The following DDX60 variants were observed in gnomAD, a reference collection of about 807,000 sequenced individuals.
DDX60 encodes probable ATP-dependent RNA helicase DDX60.
Under a neutral mutation model 212.8 loss-of-function variants are expected in DDX60, and 165 were observed. The observed-to-expected ratio is 0.78, with a 90% CI of 0.68 to 0.88. The LOEUF (loss-of-function observed/expected upper bound fraction) is 0.88. Ranked by LOEUF, DDX60 falls within the 40% of genes least tolerant of loss-of-function variation. The probability of loss-of-function intolerance (pLI) is 0.00; values close to 1 mark genes in which losing one functional copy is unlikely to be tolerated. For synonymous variants in DDX60, 703 were observed against 685.3 expected, an observed-to-expected ratio of 1.03 and a Z score of -0.40; for missense variants, 1,905 against 2,003.9, an observed-to-expected ratio of 0.95 and a Z score of 0.94.
At chr4:168,306,336 T>G in intron 5 of DDX60, 43 bp downstream of exon 5, 2 of 1,489,794 alleles carry the variant, frequency 1.3e-6, no homozygotes, top group Non-Finnish European at 1.8e-6. Context: ...CTTAGAACAT[T>G]TTGAAAATTT....
rs753640817 is a variant in DDX60, at chr4:168,234,437, T to C, written c.4533+1815A>G. Among the ~76,000 whole-genome samples, 130 of 152,100 alleles carry C rather than the reference T, an allele frequency of 8.5e-4. 1 individual carries two copies. The highest frequency in any genetic ancestry group is 3.2e-3 in the Admixed American group (49 of 15,246). ...GCTATACCTTGGATGCTTTCTATTA[T>C]GCTGTCAACTTACTGATCATGACTT... On this transcript the variant is annotated intron_variant, in intron 33 of 37. Transcript: ENST00000393743.
chr4:168,315,443 T>C (rs1737322283), intron 1 of DDX60, among the ~76,000 whole-genome samples: 1 of 152,224 alleles, frequency 6.6e-6, no homozygotes, highest in Non-Finnish European at 1.5e-5. Flanking sequence ...AGTTCTGAAA[T>C]ACATGTGCAG....
At position 168,262,127 on chromosome 4, in the gene DDX60, T is replaced by C. The variant is rs1734648713; in HGVS notation, c.3146A>G (p.Glu1049Gly). 1 of 1,573,900 alleles carries C rather than the reference T, an allele frequency of 6.4e-7. No homozygotes were observed. Among genetic ancestry groups the C allele is most frequent in the Non-Finnish European group, 8.6e-7 (1 of 1,168,614 alleles). ...ATGAATGAAGTTTTCTGGGCACAGT[T>C]CCTTGAAAACAAATATTACAAAATT... ...QIWKSWPRAQ[E>G]LCPENFIHFN... The change falls in exon 24 of 38, where the codon GAA (glutamate) becomes GGA (glycine). Residue 1049 changes from glutamate (E) to glycine (G), a missense_variant and splice_region_variant. Physicochemically the swap from Glu to Gly is moderately conservative, Grantham distance 98. Coordinates refer to ENST00000393743, the MANE Select transcript of DDX60 (RefSeq NM_017631.6).
chr4:168,324,074 G>T, the DDX60 span, among the ~76,000 whole-genome samples: 1 of 152,186 alleles, frequency 6.6e-6, no homozygotes, highest in Non-Finnish European at 1.5e-5. Flanking sequence ...AGAGACTCAG[G>T]ACAGGGGAGA....
chr4:168,260,250 G>A (rs182290187), intron 25 of DDX60, among the ~76,000 whole-genome samples: 2 of 152,176 alleles, frequency 1.3e-5, no homozygotes. Context: ...ATCTCCTAAT[G>A]CTATCCCTCC....
intron 5 of DDX60, among the ~76,000 whole-genome samples, chr4:168,304,767 A>C (rs1240614876): frequency 6.6e-6 from 1 of 152,212 alleles, no homozygotes; most frequent in African/African-American, 2.4e-5. Context: ...CTGTCAAAAA[A>C]ATTTTGAAAA....
intron 34 of DDX60, 108 bp from the exon 35 acceptor site, chr4:168,224,493 T>C (rs2149491189): frequency 1.9e-6 from 2 of 1,026,518 alleles, no homozygotes; most frequent in African/African-American, 1.6e-5. Flanking sequence ...CAGCTTCATG[T>C]AATGAAGACT....
intron 6 of DDX60, among the ~76,000 whole-genome samples, chr4:168,297,286 AG>A (rs1401578169): frequency 7.1e-5 from 10 of 141,116 alleles, no homozygotes; most frequent in African/African-American, 3.0e-4. Context: ...AGAAAGAAAG[AG>A]AGAGAGAGAC....
At chr4:168,303,775 A>G (rs544148193) in intron 5 of DDX60, among the ~76,000 whole-genome samples, 1 of 152,304 alleles carries the variant, frequency 6.6e-6, no homozygotes, top group Non-Finnish European at 1.5e-5. Context: ...TGAGGTCAGG[A>G]GTTCGAGACC....
intron 34 of DDX60, 37 bp downstream of exon 34, chr4:168,225,492 T>C (rs756627369): frequency 6.4e-7 from 1 of 1,556,586 alleles, no homozygotes; most frequent in Non-Finnish European, 8.7e-7. Context: ...TTATTTATTC[T>C]TCAAATTGTT....
chr4:168,270,628 A>G (rs1457838269), intron 19 of DDX60, among the ~76,000 whole-genome samples: 1 of 152,228 alleles, frequency 6.6e-6, no homozygotes, highest in African/African-American at 2.4e-5. Flanking sequence ...TTTGAAAACT[A>G]TAATATTCAA....
In DDX60 at chr4:168,306,531, C is replaced by A. The variant is rs545288798; in HGVS notation, c.454G>T (p.Asp152Tyr). Reference sequence around the variant, plus strand: ...AAGTTGAAAAGCTGTGTTTGTAGATCGTTCAGGCCTTCGTCTGCAACTATC... The same window carrying A: ...AAGTTGAAAAGCTGTGTTTGTAGATAGTTCAGGCCTTCGTCTGCAACTATC... ...FLIVADEGLN[D>Y]LQTQLFNFLI... The change falls in exon 5 of 38, where the codon GAT (aspartate) becomes TAT (tyrosine). Residue 152 changes from aspartate (D) to tyrosine (Y), a missense_variant. Asp to Tyr is a radical substitution (Grantham distance 160). Transcript: ENST00000393743. 3.7e-6 allele frequency: 6 copies of A among 1,614,136 alleles called. No homozygotes were observed. The highest frequency in any genetic ancestry group is 5.1e-6 in the Non-Finnish European group (6 of 1,180,012).
intron 1 of DDX60, among the ~76,000 whole-genome samples, chr4:168,313,857 G>T (rs1737246778): frequency 6.6e-6 from 1 of 152,150 alleles, no homozygotes; most frequent in Non-Finnish European, 1.5e-5. Flanking sequence ...AATATACATA[G>T]ATTAAAAGGA....
chr4:168,250,267 TG>T (rs760216353), intron 28 of DDX60, among the ~76,000 whole-genome samples: 23 of 152,132 alleles, frequency 1.5e-4, no homozygotes, highest in Non-Finnish European at 2.8e-4. Flanking sequence ...CTAGGCCTTG[TG>T]CAGTGGCTAA....
chr4:168,291,667 T>G, intron 8 of DDX60, 81 bp downstream of exon 8: 1 of 1,338,370 alleles, frequency 7.5e-7, no homozygotes, highest in Non-Finnish European at 1.0e-6. Context: ...TAGTCCCACA[T>G]AAGAGAATTT....
chr4:168,286,774 A>G (rs1026084733), intron 10 of DDX60, among the ~76,000 whole-genome samples: 9 of 152,132 alleles, frequency 5.9e-5, no homozygotes, highest in Admixed American at 6.6e-5. Context: ...TTTTCTGTGG[A>G]CCTATAACTG....
chr4:168,306,221 GCATTTGCATTAT>G (rs1452561946), intron 5 of DDX60, among the ~76,000 whole-genome samples, 146 bp downstream of exon 5: 59 of 152,274 alleles, frequency 3.9e-4, no homozygotes, highest in African/African-American at 1.4e-3. Context: ...ATAAATGACT[GCATTTGCATTAT>G]CATTATTTAC....
rs760326826 is a variant in DDX60, at chr4:168,269,373, C to T, written c.2671-404G>A. ...CAGCACTTTGGGAGGCCGAGGAGGG[C>T]GGATCACGAGGTCAGGAGATCGAGG... On this transcript the variant is annotated intron_variant, in intron 19 of 37. Transcript: ENST00000393743. 2.1e-4 allele frequency among the ~76,000 whole-genome samples: 32 copies of T among 152,144 alleles called. 1 individual carries two copies. In the Middle Eastern group the frequency reaches 0.014, roughly 65 times the overall value.
intron 20 of DDX60, among the ~76,000 whole-genome samples, chr4:168,268,248 A>G (rs1734936612): frequency 6.6e-6 from 1 of 152,186 alleles, no homozygotes; most frequent in Non-Finnish European, 1.5e-5. Flanking sequence ...ACTATTTAAT[A>G]GTAGTAATGG....
Sources: allele counts gnomAD v4.1 joint callset (sites outside exome capture counted in the v4.1 genomes callset), GRCh38; gene constraint gnomAD v4.1.1; transcripts MANE v1.5; gene names NCBI Gene and HGNC (gene_info 2026-07-23, HGNC 2026-07-21).